The following XIRP2 variants were observed in gnomAD, a reference collection of about 807,000 sequenced individuals.
XIRP2 encodes the protein xin actin binding repeat containing 2.
Under a neutral mutation model 277.0 loss-of-function variants are expected in XIRP2, and 236 were observed. That is an observed-to-expected ratio of 0.85 (90% confidence interval 0.77 to 0.95). XIRP2 has a LOEUF of 0.95. Among genes scored for constraint, XIRP2 ranks in the 40% least tolerant of loss-of-function variants. The pLI is 0.00. For missense variants in XIRP2, 4,640 were observed against 4,157.5 expected, an observed-to-expected ratio of 1.12 and a Z score of -3.19; for synonymous variants, 1,490 against 1,416.5, an observed-to-expected ratio of 1.05 and a Z score of -1.17.
Position 167,248,026 on chromosome 2 carries a change from C to G in XIRP2, c.6634C>G (p.Leu2212Val). 1 of 1,613,478 alleles carries G rather than the reference C, an allele frequency of 6.2e-7. No individual in the cohort carries two copies. Among genetic ancestry groups the G allele is most frequent in the Non-Finnish European group, 8.5e-7 (1 of 1,179,694 alleles). Residue 2212 changes from leucine to valine, a missense_variant, in exon 9 of 11, where the codon CTT becomes GTT. By Grantham distance (32) the Leu-to-Val change is conservative. Coordinates refer to ENST00000409195, the MANE Select transcript of XIRP2 (RefSeq NM_152381.6). ...KNINLQPMWQ[L>V]LPVEQDTSNV... Reference sequence around the variant, plus strand: ...TATAAACCTTCAACCAATGTGGCAGCTTTTGCCTGTAGAGCAAGACACATC... The same window carrying G: ...TATAAACCTTCAACCAATGTGGCAGGTTTTGCCTGTAGAGCAAGACACATC...
intron 2 of XIRP2, among the ~76,000 whole-genome samples, chr2:167,035,354 G>C (rs1180589229): frequency 2.0e-5 from 3 of 152,178 alleles, no homozygotes; most frequent in Non-Finnish European, 4.4e-5. Context: ...AATGCTGATA[G>C]CAATATGGAC....
intron 2 of XIRP2, among the ~76,000 whole-genome samples, chr2:166,913,003 A>T (rs1020543772): frequency 6.6e-6 from 1 of 152,164 alleles, no homozygotes; most frequent in African/African-American, 2.4e-5. Context: ...GTGAGGTGTC[A>T]ATCTGCCCCT....
chr2:167,042,348 T>G (rs1435077450), intron 2 of XIRP2, among the ~76,000 whole-genome samples: 1 of 152,114 alleles, frequency 6.6e-6, no homozygotes, highest in African/African-American at 2.4e-5. Context: ...GACACTATCC[T>G]TGAACATAAA....
chr2:166,965,701 A>G (rs1686412762), intron 2 of XIRP2, among the ~76,000 whole-genome samples: 1 of 151,844 alleles, frequency 6.6e-6, no homozygotes, highest in Non-Finnish European at 1.5e-5. Flanking sequence ...CTTCCACCTC[A>G]GCTTCCCAAG....
intron 2 of XIRP2, among the ~76,000 whole-genome samples, chr2:166,983,940 T>C (rs1268099709): frequency 6.6e-6 from 1 of 152,186 alleles, no homozygotes; most frequent in African/African-American, 2.4e-5. Flanking sequence ...TCTCCTTCTT[T>C]GCTAGTTCCT....
At chr2:167,072,202 A>G (rs1689454183) in intron 2 of XIRP2, among the ~76,000 whole-genome samples, 1 of 152,188 alleles carries the variant, frequency 6.6e-6, no homozygotes, top group Non-Finnish European at 1.5e-5. Context: ...ACATACATAC[A>G]TGCTGTCCTG....
At chr2:167,179,780 T>C (rs1692960105) in intron 3 of XIRP2, among the ~76,000 whole-genome samples, 1 of 152,014 alleles carries the variant, frequency 6.6e-6, no homozygotes, top group African/African-American at 2.4e-5. Flanking sequence ...GCTGGGACTA[T>C]AGGCATGTGC....
intron 2 of XIRP2, among the ~76,000 whole-genome samples, chr2:166,967,038 G>A (rs1686451895): frequency 1.3e-5 from 2 of 151,830 alleles, no homozygotes; most frequent in African/African-American, 4.8e-5. Flanking sequence ...GTATTACTGT[G>A]CATATGTATT....
chr2:166,981,227 C>T (rs1256102990), intron 2 of XIRP2, among the ~76,000 whole-genome samples: 1 of 152,126 alleles, frequency 6.6e-6, no homozygotes, highest in African/African-American at 2.4e-5. Context: ...AAGTCTGAAT[C>T]AAGGTGTTAT....
At chr2:167,119,080 G>A (rs1451296340) in intron 2 of XIRP2, among the ~76,000 whole-genome samples, 4 of 152,190 alleles carry the variant, frequency 2.6e-5, no homozygotes, top group Admixed American at 6.5e-5. Flanking sequence ...CAAGATCAAT[G>A]TCAGAGATTC....
At chr2:167,183,639 A>C (rs1199620808) in intron 3 of XIRP2, among the ~76,000 whole-genome samples, 2 of 151,776 alleles carry the variant, frequency 1.3e-5, no homozygotes, top group African/African-American at 4.8e-5. Flanking sequence ...CTATCTTTTC[A>C]TATGTTTTGT....
At chr2:167,165,651 T>C (rs1692503706) in intron 3 of XIRP2, among the ~76,000 whole-genome samples, 1 of 152,192 alleles carries the variant, frequency 6.6e-6, no homozygotes, top group Non-Finnish European at 1.5e-5. Context: ...TTTGGTGAGG[T>C]GTCTGTTAAA....
intron 4 of XIRP2, 90 bp from the exon 5 acceptor site, chr2:167,218,076 C>T (rs1268356976): frequency 1.8e-6 from 2 of 1,136,962 alleles, no homozygotes; most frequent in Admixed American, 3.0e-5. Context: ...TACTGTCTAT[C>T]AATAAATGTC....
chr2:167,067,829 A>G (rs1322120163), intron 2 of XIRP2, among the ~76,000 whole-genome samples: 2 of 152,186 alleles, frequency 1.3e-5, no homozygotes, highest in African/African-American at 4.8e-5. Flanking sequence ...AGACATTATA[A>G]TAATTTTTTC....
chr2:167,037,320 T>C (rs1010159637), intron 2 of XIRP2, among the ~76,000 whole-genome samples: 1 of 152,126 alleles, frequency 6.6e-6, no homozygotes, highest in Non-Finnish European at 1.5e-5. Context: ...GAACAAGTCT[T>C]AAAAGATTTA....
intron 2 of XIRP2, among the ~76,000 whole-genome samples, chr2:167,086,332 C>T (rs1689942572): frequency 6.6e-6 from 1 of 152,270 alleles, no homozygotes; most frequent in Admixed American, 6.5e-5. Context: ...TGATGGGCTT[C>T]CCTTTGAGGG....
At chr2:166,942,626 A>G (rs571380468) in intron 2 of XIRP2, among the ~76,000 whole-genome samples, 7 of 152,354 alleles carry the variant, frequency 4.6e-5, no homozygotes, top group Non-Finnish European at 8.8e-5. Context: ...GACCATTGTT[A>G]TTATCCATAT....
At position 167,249,800 on chromosome 2, in the gene XIRP2, A is replaced by G; in HGVS notation, c.8408A>G (p.Lys2803Arg). Residue 2803 changes from lysine (K) to arginine (R), a missense_variant, in exon 9 of 11, where the codon AAG becomes AGG. Lys to Arg is a conservative substitution (Grantham distance 26). Transcript: ENST00000409195. ...QEDKLKMVPR[K>R]QREFSGSDRG... ...GATAAGCTCAAGATGGTTCCCAGGA[A>G]GCAAAGAGAATTTAGCGGATCTGAC... 1 of 1,613,470 alleles carries G rather than the reference A, an allele frequency of 6.2e-7. No individual in the cohort carries two copies. Among genetic ancestry groups the G allele is most frequent in the Non-Finnish European group, 8.5e-7 (1 of 1,179,730 alleles).
chr2:167,191,735 CT>C (rs1292940324), intron 3 of XIRP2, among the ~76,000 whole-genome samples: 1 of 152,122 alleles, frequency 6.6e-6, no homozygotes, highest in African/African-American at 2.4e-5. Context: ...TTTCACTACT[CT>C]TTTTTTGGCA....
Sources: allele counts gnomAD v4.1 joint callset (sites outside exome capture counted in the v4.1 genomes callset), GRCh38; gene constraint gnomAD v4.1.1; transcripts MANE v1.5; gene names NCBI Gene and HGNC (gene_info 2026-07-23, HGNC 2026-07-21).